The following ITFG1 variants were observed in gnomAD, a reference collection of about 807,000 sequenced individuals.
ITFG1 encodes integrin alpha FG-GAP repeat containing 1.
In ITFG1, 34 loss-of-function variants were observed where a neutral mutation model predicts 81.8. The ratio of observed to expected loss-of-function variants is 0.42; its 90% CI spans 0.32 to 0.55. The LOEUF is 0.55. ITFG1 is among the 20% of genes least tolerant of loss of function. The pLI, the probability that ITFG1 is intolerant of heterozygous loss-of-function variation, is 0.17. For synonymous variants in ITFG1, 285 were observed against 270.6 expected, an observed-to-expected ratio of 1.05 and a Z score of -0.52; for missense variants, 672 against 755.4, an observed-to-expected ratio of 0.89 and a Z score of 1.29.
intron 10 of ITFG1, among the ~76,000 whole-genome samples, chr16:47,277,944 A>T (rs1966415232): frequency 6.6e-6 from 1 of 152,220 alleles, no homozygotes; most frequent in Non-Finnish European, 1.5e-5. Context: ...CATAATCAGA[A>T]CAAATATCTT....
Position 47,237,991 on chromosome 16 carries a change from A to C in ITFG1, c.1348T>G (p.Ser450Ala). 1 of 1,474,656 alleles carries C rather than the reference A, an allele frequency of 6.8e-7. No homozygotes were observed. The highest frequency in any genetic ancestry group is 9.2e-7 in the Non-Finnish European group (1 of 1,083,874). 91.3% of individuals were successfully genotyped at this position (1,474,656 alleles called of 1,614,324 possible). ...GTTATCTTACGAGGACAGTCATTAG[A>C]ACACAGACCACTAAGAACTGTGGAA... ...VKVIVLSGLC[S>A]NDCPRKITPF... The change falls in exon 13 of 18, where the codon TCT (serine) becomes GCT (alanine). Residue 450 changes from serine (S) to alanine (A), a missense_variant. Ser to Ala is a moderately conservative substitution (Grantham distance 99, BLOSUM62 1). Transcript: ENST00000320640.
At chr16:47,234,698 T>C (rs1458837911) in intron 13 of ITFG1, among the ~76,000 whole-genome samples, 1 of 152,160 alleles carries the variant, frequency 6.6e-6, no homozygotes, top group Non-Finnish European at 1.5e-5. Context: ...TTGGATTCCA[T>C]ATAAAACTGT....
chr16:47,424,029 A>G (rs1968986445), intron 6 of ITFG1, among the ~76,000 whole-genome samples: 1 of 152,204 alleles, frequency 6.6e-6, no homozygotes, highest in South Asian at 2.1e-4. Flanking sequence ...GTGTTTTCCA[A>G]CTTGGTTCCA....
At position 47,238,014 on chromosome 16, in the gene ITFG1, GA is replaced by G; in HGVS notation, c.1331-7del. 1.4e-6 allele frequency: 2 copies of G among 1,461,782 alleles called. No individual in the cohort carries two copies. Among genetic ancestry groups the G allele is most frequent in the Non-Finnish European group, 1.9e-6 (2 of 1,080,178 alleles). The allele number at this position is 1,461,782 out of a possible 1,614,324, so 90.6% of individuals were successfully genotyped here. On this transcript the variant is annotated splice_polypyrimidine_tract_variant and splice_region_variant and intron_variant, in intron 12 of 17. Transcript: ENST00000320640. ...AGAACACAGACCACTAAGAACTGTG[GA>G]AAAATAAACAGGCAATTATTACTAT...
intron 8 of ITFG1, among the ~76,000 whole-genome samples, chr16:47,358,856 C>A (rs1420951849): frequency 1.3e-5 from 2 of 151,920 alleles, no homozygotes; most frequent in African/African-American, 4.8e-5. Context: ...ACAAAATACA[C>A]CAATGGAGTT....
At chr16:47,190,183 T>C (rs1449291188) in intron 14 of ITFG1, among the ~76,000 whole-genome samples, 1 of 152,254 alleles carries the variant, frequency 6.6e-6, no homozygotes, top group East Asian at 1.9e-4. Context: ...AATGGTCATT[T>C]CACTTATAAG....
chr16:47,245,971 G>A (rs1965998116), intron 12 of ITFG1, among the ~76,000 whole-genome samples: 1 of 152,052 alleles, frequency 6.6e-6, no homozygotes, highest in Admixed American at 6.6e-5. Context: ...CTCATTTAAG[G>A]AACACATTAT....
intron 8 of ITFG1, among the ~76,000 whole-genome samples, chr16:47,345,288 ACT>A (rs1464972443): frequency 6.8e-6 from 1 of 146,026 alleles, no homozygotes; most frequent in South Asian, 2.1e-4. Flanking sequence ...TTGCAAAAAA[ACT>A]CTTTTTTTTT....
At chr16:47,194,025 G>A (rs534719008) in intron 14 of ITFG1, among the ~76,000 whole-genome samples, 7 of 152,256 alleles carry the variant, frequency 4.6e-5, no homozygotes, top group African/African-American at 1.7e-4. Context: ...CTACTATAGC[G>A]TTAAAAAACC....
intron 5 of ITFG1, among the ~76,000 whole-genome samples, chr16:47,441,451 T>C (rs557243717): frequency 9.2e-5 from 14 of 152,186 alleles, no homozygotes; most frequent in Non-Finnish European, 1.9e-4. Flanking sequence ...GCAAACCGAA[T>C]CCAACAACAC....
intron 8 of ITFG1, among the ~76,000 whole-genome samples, chr16:47,355,001 C>T (rs1035418974): frequency 2.9e-4 from 44 of 151,930 alleles, no homozygotes; most frequent in Admixed American, 9.8e-4. Context: ...AAAAATATTA[C>T]GAATAGAACT....
intron 9 of ITFG1, 29 bp downstream of exon 9, chr16:47,313,700 A>AG (rs1271895044): frequency 8.1e-7 from 1 of 1,242,008 alleles, no homozygotes. Context: ...ATAAAAAAAA[A>AG]TGTTTACATT....
chr16:47,324,832 A>C (rs1391701585), intron 8 of ITFG1, among the ~76,000 whole-genome samples: 1 of 152,180 alleles, frequency 6.6e-6, no homozygotes, highest in African/African-American at 2.4e-5. Flanking sequence ...AGATTCATAA[A>C]ACAAGTCCTT....
At chr16:47,248,714 A>G (rs1966031095) in intron 12 of ITFG1, among the ~76,000 whole-genome samples, 1 of 152,250 alleles carries the variant, frequency 6.6e-6, no homozygotes, top group Non-Finnish European at 1.5e-5. Flanking sequence ...CTATGATTAC[A>G]GCAAAAGCCC....
chr16:47,441,351 C>G (rs1969247622), intron 5 of ITFG1, among the ~76,000 whole-genome samples: 1 of 152,150 alleles, frequency 6.6e-6, no homozygotes, highest in Non-Finnish European at 1.5e-5. Flanking sequence ...CAACCTGATA[C>G]CAAAGCCTGG....
At chr16:47,432,486 C>T (rs1969108151) in intron 5 of ITFG1, among the ~76,000 whole-genome samples, 1 of 152,234 alleles carries the variant, frequency 6.6e-6, no homozygotes, top group South Asian at 2.1e-4. Context: ...GTTCTACAAA[C>T]AGCAACCTCT....
At position 47,344,323 on chromosome 16, in the gene ITFG1, G is replaced by A. The variant is rs767223917; in HGVS notation, c.802+21465C>T. Among the ~76,000 whole-genome samples the A allele has an allele frequency of 1.5e-4, 23 of 152,092 alleles. 1 individual carries two copies. Among genetic ancestry groups the A allele is most frequent in the Non-Finnish European group, 3.1e-4 (21 of 68,016 alleles). ...AAAAAAGTAGATTAGTAGTCATCTG[G>A]GACTGTGGTAGGAGTGGAGACTGAC... On this transcript the variant is annotated intron_variant, in intron 8 of 17. Transcript: ENST00000320640.
At chr16:47,390,973 T>G (rs937788752) in intron 6 of ITFG1, among the ~76,000 whole-genome samples, 4 of 152,086 alleles carry the variant, frequency 2.6e-5, no homozygotes, top group Admixed American at 6.5e-5. Context: ...TATATGAAGT[T>G]GAAGTGAAAA....
chr16:47,444,961 A>C (rs1418730894), intron 5 of ITFG1, among the ~76,000 whole-genome samples: 1 of 152,048 alleles, frequency 6.6e-6, no homozygotes, highest in Admixed American at 6.6e-5. Context: ...ATTTTTTGAC[A>C]ATACTCACGT....
Sources: allele counts gnomAD v4.1 joint callset (sites outside exome capture counted in the v4.1 genomes callset), GRCh38; gene constraint gnomAD v4.1.1; transcripts MANE v1.5; gene names NCBI Gene and HGNC (gene_info 2026-07-23, HGNC 2026-07-21).